DNAH8: variants seen among roughly 807,000 people sequenced by gnomAD.
DNAH8 encodes the protein dynein axonemal heavy chain 8.
In DNAH8, 382 loss-of-function variants were observed where a neutral mutation model predicts 562.1. The observed-to-expected ratio is 0.68, with a 90% CI of 0.63 to 0.74. The LOEUF (loss-of-function observed/expected upper bound fraction) is 0.74, where lower values mean the gene tolerates loss of function less well. Ranked by LOEUF, DNAH8 falls within the 30% of genes least tolerant of loss-of-function variation. DNAH8 has a pLI of 0.00. For missense variants in DNAH8, 5,203 were observed against 5,620.4 expected, an observed-to-expected ratio of 0.93 and a Z score of 2.37; for synonymous variants, 1,881 against 1,919.4, an observed-to-expected ratio of 0.98 and a Z score of 0.52.
intron 10 of DNAH8, among the ~76,000 whole-genome samples, chr6:38,758,857 C>T (rs1039206859): frequency 6.6e-6 from 1 of 152,156 alleles, no homozygotes; most frequent in Admixed American, 6.6e-5. Context: ...GTTGAACCAG[C>T]CTTGCATCCC....
chr6:38,797,298 C>A (rs1770358945), intron 21 of DNAH8, among the ~76,000 whole-genome samples: 1 of 152,098 alleles, frequency 6.6e-6, no homozygotes, highest in Non-Finnish European at 1.5e-5. Context: ...AAGGAGAGGC[C>A]AGCTAGGCTT....
At chr6:38,910,483 T>G (rs1477943108) in intron 65 of DNAH8, among the ~76,000 whole-genome samples, 1 of 152,192 alleles carries the variant, frequency 6.6e-6, no homozygotes, top group Non-Finnish European at 1.5e-5. Flanking sequence ...TTCCTTTACT[T>G]AAAACCATTC....
intron 88 of DNAH8, among the ~76,000 whole-genome samples, chr6:39,006,448 T>A (rs146085603): frequency 3.0e-4 from 46 of 152,244 alleles, no homozygotes; most frequent in African/African-American, 1.0e-3. Flanking sequence ...ATCTGAAAAG[T>A]CACTTAAGAT....
At position 38,723,080 on chromosome 6, in the gene DNAH8, C is replaced by G; in HGVS notation, c.271C>G (p.Arg91Gly). Reference sequence around the variant, plus strand: ...TAGAGTTCGACAGAGGCTTGCACCGCGACCGGTTCAGTCAGTGATTTCGGA... The same window carrying G: ...TAGAGTTCGACAGAGGCTTGCACCGGGACCGGTTCAGTCAGTGATTTCGGA... ...LNRVRQRLAP[R>G]PVQSVISEVL... Residue 91 changes from arginine to glycine, a missense_variant, in exon 2 of 93, where the codon CGA becomes GGA. Physicochemically the swap from Arg to Gly is moderately radical, Grantham distance 125. Coordinates refer to ENST00000327475, the MANE Select transcript of DNAH8 (RefSeq NM_001206927.2). 6.2e-7 allele frequency: 1 copy of G among 1,612,880 alleles called. No individual in the cohort carries two copies. The highest frequency in any genetic ancestry group is 8.5e-7 in the Non-Finnish European group (1 of 1,179,892).
chr6:38,779,826 G>A (rs1768407913), intron 14 of DNAH8, 140 bp from the exon 15 acceptor site: 9 of 816,324 alleles, frequency 1.1e-5, no homozygotes, highest in South Asian at 3.1e-5. Flanking sequence ...CTCCTATCTC[G>A]TTCATTGCTT....
intron 81 of DNAH8, 28 bp from the exon 82 acceptor site, chr6:38,951,290 A>G: frequency 6.2e-7 from 1 of 1,600,106 alleles, no homozygotes; most frequent in South Asian, 1.1e-5. Flanking sequence ...CGTTTAGTTT[A>G]TTTCGCCTAA....
At chr6:38,789,220 A>G (rs547724623) in intron 18 of DNAH8, among the ~76,000 whole-genome samples, 43 of 152,326 alleles carry the variant, frequency 2.8e-4, no homozygotes, top group African/African-American at 9.4e-4. Context: ...TGAAACTATT[A>G]GGTAAAAATT....
intron 47 of DNAH8, 63 bp downstream of exon 47, chr6:38,866,939 C>T: frequency 1.0e-6 from 1 of 968,816 alleles, no homozygotes; most frequent in East Asian, 2.5e-5. Flanking sequence ...TTGTAATTTT[C>T]CCTTGATAAA....
intron 76 of DNAH8, among the ~76,000 whole-genome samples, chr6:38,932,644 GTAAT>G (rs1353687294): frequency 2.6e-5 from 4 of 152,112 alleles, no homozygotes; most frequent in Non-Finnish European, 5.9e-5. Flanking sequence ...ATATGATAAA[GTAAT>G]TAATTTTAGA....
rs1451992332 is a variant in DNAH8, at chr6:38,921,518, CAT to C, written c.10662+14_10662+15del. ...TGAATGAGAAAATGGTGAGATTAAA[CAT>C]AAAAAATCCCCAAAATGGTGTACTG... On this transcript the variant is annotated intron_variant, in intron 71 of 92. Transcript: ENST00000327475. 2 of 1,608,150 alleles carry C rather than the reference CAT, an allele frequency of 1.2e-6. No individual in the cohort carries two copies. Among genetic ancestry groups the C allele is most frequent in the Admixed American group, 1.7e-5 (1 of 59,244 alleles).
chr6:38,873,231 T>G lies in DNAH8; in HGVS notation c.7480-5T>G, dbSNP rs1459814649. The G allele has an allele frequency of 6.2e-7, 1 of 1,612,726 alleles. No homozygotes were observed. Among genetic ancestry groups the G allele is most frequent in the East Asian group, 2.2e-5 (1 of 44,838 alleles). ...ATAAACACAGATTCTGTTTCTTTGT[T>G]GCAGGCATGGTTGAAGAAACGCACT... On this transcript the variant is annotated splice_region_variant and splice_polypyrimidine_tract_variant and intron_variant, in intron 51 of 92. Transcript: ENST00000327475.
chr6:38,917,485 A>C (rs1363297619), intron 69 of DNAH8, 79 bp downstream of exon 69: 33 of 1,132,900 alleles, frequency 2.9e-5, no homozygotes, highest in Non-Finnish European at 3.9e-5. Flanking sequence ...TAGACCAGAC[A>C]AACTGGCAGA....
intron 41 of DNAH8, 94 bp downstream of exon 41, chr6:38,853,441 T>C (rs925576555): frequency 2.9e-6 from 4 of 1,366,096 alleles, no homozygotes; most frequent in African/African-American, 1.5e-5. Context: ...TGTGAGGCAA[T>C]TGTAGCTTTG....
chr6:38,758,300 G>T (rs1766134732), intron 10 of DNAH8, among the ~76,000 whole-genome samples: 1 of 151,878 alleles, frequency 6.6e-6, no homozygotes, highest in African/African-American at 2.4e-5. Flanking sequence ...ATTGTGAATG[G>T]GAGTTCACTC....
In DNAH8 at chr6:38,896,136, T is replaced by A; in HGVS notation, c.8851T>A (p.Tyr2951Asn). 1.2e-6 allele frequency: 2 copies of A among 1,613,852 alleles called. No homozygotes were observed. Among genetic ancestry groups the A allele is most frequent in the Non-Finnish European group, 1.7e-6 (2 of 1,179,908 alleles). ...AGCGTCGTGTATTCTTCCTGAACCA[T>A]ACTTTGTGGATTTTCTTCGTGAGAT... is the stretch of plus-strand genomic sequence containing the variant. ...DAASCILPEPYFVDFLREMPE... is the reference protein window; with the variant it reads ...DAASCILPEPNFVDFLREMPE... The change falls in exon 60 of 93, where the codon TAC becomes AAC. Residue 2951 changes from tyrosine (Y) to asparagine (N), a missense_variant. Tyr to Asn is a moderately radical substitution (Grantham distance 143, BLOSUM62 -2). Coordinates refer to ENST00000327475, the MANE Select transcript of DNAH8 (RefSeq NM_001206927.2).
chr6:38,870,327 TATGCACA>T, intron 48 of DNAH8, 67 bp from the exon 49 acceptor site: 1 of 1,362,478 alleles, frequency 7.3e-7, no homozygotes, highest in Non-Finnish European at 1.0e-6. Context: ...TGATAAGTAC[TATGCACA>T]TCCCAGCTAG....
chr6:38,776,414 C>T (rs1237371120), intron 13 of DNAH8, among the ~76,000 whole-genome samples: 25 of 152,092 alleles, frequency 1.6e-4, no homozygotes, highest in Non-Finnish European at 3.5e-4. Flanking sequence ...GACAGGGTTT[C>T]GCCATGTTGG....
intron 52 of DNAH8, 56 bp downstream of exon 52, chr6:38,873,432 T>C (rs35012963): frequency 6.7e-7 from 1 of 1,488,018 alleles, no homozygotes; most frequent in Non-Finnish European, 9.1e-7. Context: ...TTTCACTCAG[T>C]TGCAGTTTAC....
At chr6:38,821,782 G>A (rs1276180582) in intron 26 of DNAH8, among the ~76,000 whole-genome samples, 6 of 152,124 alleles carry the variant, frequency 3.9e-5, no homozygotes, top group South Asian at 4.1e-4. Flanking sequence ...GGCTGGTCAC[G>A]AAATCTTGGA....
Sources: allele counts gnomAD v4.1 joint callset (sites outside exome capture counted in the v4.1 genomes callset), GRCh38; gene constraint gnomAD v4.1.1; transcripts MANE v1.5; gene names NCBI Gene and HGNC (gene_info 2026-07-23, HGNC 2026-07-21).